The following SUMF1 variants were observed in gnomAD, a reference collection of about 807,000 sequenced individuals.
SUMF1 encodes sulfatase modifying factor 1.
Under a neutral mutation model 47.6 loss-of-function variants are expected in SUMF1, and 48 were observed. That is an observed-to-expected ratio of 1.01 (90% CI 0.80 to 1.28). The LOEUF is 1.28. Among genes scored for constraint, SUMF1 ranks in the 50% most tolerant of loss-of-function variants. The pLI is 0.00. For missense variants in SUMF1, 571 were observed against 485.4 expected (o/e 1.18, Z -1.66); for synonymous variants, 230 against 192.1 (o/e 1.20, Z -1.63).
chr3:4,376,254 G>C (rs952697460), intron 8 of SUMF1, 76 bp downstream of exon 8: 2 of 1,529,198 alleles, frequency 1.3e-6, no homozygotes, highest in Admixed American at 1.7e-5. Flanking sequence ...GAGACATTTG[G>C]GGCTATCATT....
chr3:4,161,894 C>T (rs189346772), intron 8 of SUMF1, among the ~76,000 whole-genome samples: 2 of 152,012 alleles, frequency 1.3e-5, no homozygotes, highest in Admixed American at 1.3e-4. Flanking sequence ...ATAGCCATCA[C>T]TGCTGGAAAT....
intron 8 of SUMF1, among the ~76,000 whole-genome samples, chr3:4,333,323 G>A (rs1045323239): frequency 6.6e-6 from 1 of 152,168 alleles, no homozygotes; most frequent in African/African-American, 2.4e-5. Flanking sequence ...CCTCCCATAA[G>A]GGGGCTTCGA....
intron 8 of SUMF1, among the ~76,000 whole-genome samples, chr3:4,125,859 T>C (rs976158951): frequency 2.6e-5 from 4 of 152,122 alleles, no homozygotes; most frequent in African/African-American, 7.2e-5. Flanking sequence ...GTATTTTTCA[T>C]TGAGATAGAC....
intron 8 of SUMF1, among the ~76,000 whole-genome samples, chr3:4,150,167 C>T (rs1694284903): frequency 6.6e-6 from 1 of 151,634 alleles, no homozygotes; most frequent in South Asian, 2.1e-4. Context: ...TATTATAGCT[C>T]ACTGCAGCCT....
At chr3:4,348,710 C>A (rs370564688) in intron 8 of SUMF1, among the ~76,000 whole-genome samples, 2,078 of 132,828 alleles carry the variant, frequency 0.016, 50 homozygotes, top group African/African-American at 0.051. Context: ...ACTAAAAATA[C>A]AAAAAAAAAA....
intron 1 of SUMF1, among the ~76,000 whole-genome samples, chr3:4,455,343 A>G (rs1703120095): frequency 6.6e-6 from 1 of 152,264 alleles, no homozygotes; most frequent in African/African-American, 2.4e-5. Flanking sequence ...TCCTAGAAAC[A>G]TACAGCCTAC....
intron 8 of SUMF1, among the ~76,000 whole-genome samples, chr3:4,304,777 T>C (rs1412485848): frequency 6.6e-6 from 1 of 152,076 alleles, no homozygotes; most frequent in Non-Finnish European, 1.5e-5. Context: ...TCTAAAATAT[T>C]TGAAGAGATT....
At chr3:4,164,069 T>C (rs2125116734) in intron 8 of SUMF1, among the ~76,000 whole-genome samples, 1 of 152,290 alleles carries the variant, frequency 6.6e-6, no homozygotes, top group Middle Eastern at 3.4e-3. Context: ...GTTCCCCATA[T>C]TCATATAGAT....
intron 8 of SUMF1, among the ~76,000 whole-genome samples, chr3:4,368,686 C>G (rs1273535119): frequency 1.3e-5 from 2 of 152,180 alleles, no homozygotes; most frequent in Non-Finnish European, 2.9e-5. Flanking sequence ...GCCCAATACA[C>G]AAGCCCTGCA....
intron 4 of SUMF1, among the ~76,000 whole-genome samples, chr3:4,418,894 CT>C (rs962751777): frequency 6.6e-6 from 1 of 152,322 alleles, no homozygotes; most frequent in East Asian, 1.9e-4. Context: ...CACTAGATGG[CT>C]TTGGCTGAAT....
At chr3:4,416,580 T>G (rs2125029540) in intron 6 of SUMF1, among the ~76,000 whole-genome samples, 1 of 152,374 alleles carries the variant, frequency 6.6e-6, no homozygotes, top group East Asian at 1.9e-4. Flanking sequence ...ACCGACCTGG[T>G]TCAAATTCCA....
At chr3:4,150,356 G>C (rs949050259) in intron 8 of SUMF1, among the ~76,000 whole-genome samples, 1 of 151,594 alleles carries the variant, frequency 6.6e-6, no homozygotes, top group Non-Finnish European at 1.5e-5. Flanking sequence ...GAGCTCAGGA[G>C]TTTGCGACCA....
intron 8 of SUMF1, among the ~76,000 whole-genome samples, chr3:4,253,696 C>T (rs1696866331): frequency 6.6e-6 from 1 of 150,792 alleles, no homozygotes; most frequent in Non-Finnish European, 1.5e-5. Context: ...GGGGCGCCCG[C>T]CATTGGCCAG....
chr3:4,123,067 T>C (rs1364076769), intron 8 of SUMF1, among the ~76,000 whole-genome samples: 3 of 152,126 alleles, frequency 2.0e-5, no homozygotes, highest in African/African-American at 7.2e-5. Context: ...TTACGAAACA[T>C]TGAGTAAAGT....
At chr3:4,364,899 T>C (rs1243121145) in intron 8 of SUMF1, among the ~76,000 whole-genome samples, 9 of 150,576 alleles carry the variant, frequency 6.0e-5, no homozygotes, top group East Asian at 2.0e-4. Context: ...GCTTTGAATG[T>C]GTCCCAGAGA....
intron 8 of SUMF1, among the ~76,000 whole-genome samples, chr3:4,095,979 C>T (rs917024692): frequency 6.6e-6 from 1 of 152,074 alleles, no homozygotes; most frequent in Non-Finnish European, 1.5e-5. Flanking sequence ...TACATCACCA[C>T]CTGGTAAAAT....
intron 9 of SUMF1, chr3:4,068,545 A>C (rs1158281431): frequency 7.7e-6 from 2 of 259,238 alleles, no homozygotes; most frequent in Admixed American, 9.4e-5. Context: ...AGTCTTCAAA[A>C]TTCAGTGTGT....
chr3:4,362,336 G>A (rs1001493598), intron 8 of SUMF1, 82 bp from the exon 9 acceptor site: 2 of 1,128,294 alleles, frequency 1.8e-6, no homozygotes, highest in Admixed American at 3.5e-5. Flanking sequence ...TATTGCACCG[G>A]CTGTAGACAG....
chr3:4,421,663 T>C (rs1430725467), intron 3 of SUMF1, among the ~76,000 whole-genome samples: 1 of 152,102 alleles, frequency 6.6e-6, no homozygotes, highest in Non-Finnish European at 1.5e-5. Flanking sequence ...TGTATTTTTT[T>C]GTAGAGATGG....
Sources: allele counts gnomAD v4.1 joint callset (sites outside exome capture counted in the v4.1 genomes callset), GRCh38; gene constraint gnomAD v4.1.1; transcripts MANE v1.5; gene names NCBI Gene and HGNC (gene_info 2026-07-23, HGNC 2026-07-21).